DOCK2: variants seen among roughly 807,000 people sequenced by gnomAD.
DOCK2 encodes dedicator of cytokinesis protein 2.
In DOCK2, 87 loss-of-function variants were observed where a neutral mutation model predicts 248.9. The ratio of observed to expected loss-of-function variants is 0.35; its 90% CI spans 0.29 to 0.42. The LOEUF is 0.42. DOCK2 is among the 10% of genes least tolerant of loss of function. The probability of loss-of-function intolerance (pLI) is 1.00; values close to 1 mark genes in which losing one functional copy is unlikely to be tolerated. For synonymous variants in DOCK2, 805 were observed against 821.6 expected, an observed-to-expected ratio of 0.98 and a Z score of 0.35; for missense variants, 1,747 against 2,300.2, an observed-to-expected ratio of 0.76 and a Z score of 4.92.
In DOCK2 at chr5:170,071,021, G is replaced by A. The variant is rs80055903; in HGVS notation, c.4728+1801G>A. ...GGCCGCCTTCTCCTTAGCACCACCC[G>A]CTGCTCCTGAGACCACCTATACAGA... On this transcript the variant is annotated intron_variant, in intron 46 of 51. Transcript: ENST00000520908. Among the ~76,000 whole-genome samples, 490 of 152,184 alleles carry A rather than the reference G, an allele frequency of 3.2e-3. 1 individual carries two copies. Among genetic ancestry groups the A allele is most frequent in the Admixed American group, 5.0e-3 (77 of 15,276 alleles).
At chr5:169,742,824 G>A (rs527415122) in intron 22 of DOCK2, among the ~76,000 whole-genome samples, 28 of 152,318 alleles carry the variant, frequency 1.8e-4, no homozygotes, top group African/African-American at 6.7e-4. Flanking sequence ...TCACATGCAA[G>A]CCGAGCATCG....
At chr5:169,733,433 CAGTT>C (rs1318707943) in intron 22 of DOCK2, among the ~76,000 whole-genome samples, 5 of 150,882 alleles carry the variant, frequency 3.3e-5, no homozygotes, top group Admixed American at 1.3e-4. Context: ...TTGTTTTAAA[CAGTT>C]AGTATTTATG....
At chr5:169,810,757 G>A (rs1023994429) in intron 26 of DOCK2, among the ~76,000 whole-genome samples, 1 of 151,944 alleles carries the variant, frequency 6.6e-6, no homozygotes, top group Non-Finnish European at 1.5e-5. Context: ...CGCACTTAGC[G>A]CAAGCGACTC....
intron 25 of DOCK2, among the ~76,000 whole-genome samples, chr5:169,780,318 TGTGTGTGTGTGTG>T (rs1765634144): frequency 6.8e-6 from 1 of 147,358 alleles, no homozygotes; most frequent in South Asian, 2.2e-4. Context: ...TGTGTGTGTG[TGTGTGTGTGTGTG>T]TGTGTGTGTT....
chr5:169,652,167 C>T lies in DOCK2; in HGVS notation c.44-2236C>T, dbSNP rs144230830. ...TCAAGCAGGCTGCCCCTGGCTCCTA[C>T]AGTGCCTTTGTGTGGATTACAAAAA... On this transcript the variant is annotated intron_variant, in intron 1 of 51. Coordinates refer to ENST00000520908, the MANE Select transcript of DOCK2 (RefSeq NM_004946.3). Among the ~76,000 whole-genome samples the T allele has an allele frequency of 2.2e-3, 337 of 152,328 alleles. 6 individuals carry two copies. Among genetic ancestry groups the T allele is most frequent in the Non-Finnish European group, 2.5e-3 (170 of 68,030 alleles).
At chr5:169,726,993 G>C (rs1050734514) in intron 22 of DOCK2, among the ~76,000 whole-genome samples, 4 of 151,924 alleles carry the variant, frequency 2.6e-5, no homozygotes, top group South Asian at 2.1e-4. Context: ...TGCTTGAACT[G>C]GGGGGTGGAG....
Position 170,055,395 on chromosome 5 carries a change from CGTT to C in DOCK2, c.4295+12_4295+14del, listed in dbSNP as rs1561900689. 1.9e-6 allele frequency: 3 copies of C among 1,613,546 alleles called. No individual in the cohort carries two copies. Among genetic ancestry groups the C allele is most frequent in the South Asian group, 2.2e-5 (2 of 91,050 alleles). On this transcript the variant is annotated intron_variant, in intron 42 of 51. Coordinates refer to ENST00000520908, the MANE Select transcript of DOCK2 (RefSeq NM_004946.3). Reference sequence around the variant, plus strand: ...CCTGACCAGATTATAAAGTAAGACTCGTTGTCCACAGGGAAGAAGGATGGGGAA... The same window carrying C: ...CCTGACCAGATTATAAAGTAAGACTCGTCCACAGGGAAGAAGGATGGGGAA...
chr5:169,762,387 T>C (rs1226976958), intron 25 of DOCK2, among the ~76,000 whole-genome samples: 1 of 152,240 alleles, frequency 6.6e-6, no homozygotes, highest in Non-Finnish European at 1.5e-5. Context: ...GATCATGGAA[T>C]GACAGTGGAT....
intron 27 of DOCK2, among the ~76,000 whole-genome samples, chr5:169,865,500 C>T (rs1372055037): frequency 6.6e-6 from 1 of 152,218 alleles, no homozygotes; most frequent in East Asian, 1.9e-4. Flanking sequence ...TCCTCTTAGA[C>T]ATCCCTGTGG....
intron 22 of DOCK2, among the ~76,000 whole-genome samples, chr5:169,734,247 T>A (rs1218110375): frequency 1.3e-5 from 2 of 152,134 alleles, no homozygotes; most frequent in African/African-American, 4.8e-5. Context: ...TCTAATTTTT[T>A]GTTTTTATAA....
chr5:169,697,805 C>G (rs1453558463), intron 10 of DOCK2, among the ~76,000 whole-genome samples: 1 of 152,124 alleles, frequency 6.6e-6, no homozygotes, highest in African/African-American at 2.4e-5. Flanking sequence ...TCTATAATCC[C>G]CATTCTAGTG....
At chr5:169,639,488 T>C (rs528187536) in intron 1 of DOCK2, among the ~76,000 whole-genome samples, 2 of 152,294 alleles carry the variant, frequency 1.3e-5, no homozygotes, top group Admixed American at 1.3e-4. Flanking sequence ...AGAAATGGTC[T>C]GGGAAGAGGT....
At position 169,846,597 on chromosome 5, in the gene DOCK2, T is replaced by TATAC. The variant is rs1561758924; in HGVS notation, c.2799+5746_2799+5747insTACA. Among the ~76,000 whole-genome samples, 155 of 105,048 alleles carry TATAC rather than the reference T, an allele frequency of 1.5e-3. 1 individual carries two copies. Among genetic ancestry groups the TATAC allele is most frequent in the African/African-American group, 7.4e-3 (152 of 20,546 alleles). The allele number at this position is 105,048 out of a possible 152,430, so 68.9% of individuals were successfully genotyped here. A position where few individuals can be genotyped will look rare whatever the true frequency, so the allele number is the denominator to read the frequency against. ...TTGATAGAAAGTGTATATATATATA[T>TATAC]ACACACACATATACACACACACACA... On this transcript the variant is annotated intron_variant, in intron 27 of 51. Coordinates refer to ENST00000520908, the MANE Select transcript of DOCK2 (RefSeq NM_004946.3).
At chr5:169,691,181 C>T (rs1351290802) in intron 9 of DOCK2, among the ~76,000 whole-genome samples, 1 of 152,132 alleles carries the variant, frequency 6.6e-6, no homozygotes, top group Non-Finnish European at 1.5e-5. Context: ...AGGTGCTACA[C>T]ACTTTTAAAC....
intron 28 of DOCK2, among the ~76,000 whole-genome samples, chr5:169,984,955 T>G (rs574323509): frequency 1.3e-5 from 2 of 152,210 alleles, no homozygotes; most frequent in South Asian, 4.1e-4. Flanking sequence ...AATCTCGCTC[T>G]GTCACCAGGC....
intron 25 of DOCK2, among the ~76,000 whole-genome samples, chr5:169,798,187 A>G (rs1581204192): frequency 6.6e-6 from 1 of 152,302 alleles, no homozygotes; most frequent in African/African-American, 2.4e-5. Flanking sequence ...CTTTCCACCT[A>G]GCAAATATAT....
chr5:169,757,885 A>T (rs184523756), intron 23 of DOCK2, among the ~76,000 whole-genome samples: 1 of 152,196 alleles, frequency 6.6e-6, no homozygotes, highest in African/African-American at 2.4e-5. Flanking sequence ...AATCTACAAG[A>T]TTGTATGTCC....
intron 3 of DOCK2, among the ~76,000 whole-genome samples, chr5:169,669,961 C>T (rs1456214233): frequency 6.6e-6 from 1 of 152,146 alleles, no homozygotes; most frequent in Non-Finnish European, 1.5e-5. Flanking sequence ...TTCCTTCTTC[C>T]CTGACATGCT....
At chr5:169,712,068 C>A in intron 16 of DOCK2, 52 bp from the exon 17 acceptor site, 1 of 1,613,486 alleles carries the variant, frequency 6.2e-7, no homozygotes, top group Non-Finnish European at 8.5e-7. Context: ...AATGGAAGAG[C>A]TGGGTGGCCC....
Sources: allele counts gnomAD v4.1 joint callset (sites outside exome capture counted in the v4.1 genomes callset), GRCh38; gene constraint gnomAD v4.1.1; transcripts MANE v1.5; gene names NCBI Gene and HGNC (gene_info 2026-07-23, HGNC 2026-07-21).